The following GALNT17 variants were observed in gnomAD, a reference collection of about 807,000 sequenced individuals.
GALNT17 encodes the protein UDP-GalNAc:polypeptide N-acetylgalactosaminyltransferase-like 3.
A neutral mutation model predicts 63.7 loss-of-function variants in GALNT17; 29 were observed. The ratio of observed to expected loss-of-function variants is 0.46; its 90% CI spans 0.34 to 0.62. The LOEUF is 0.62. Among genes scored for constraint, GALNT17 ranks in the 20% least tolerant of loss-of-function variants. The probability of loss-of-function intolerance (pLI) is 0.01; values close to 1 mark genes in which losing one functional copy is unlikely to be tolerated. For synonymous variants in GALNT17, 305 were observed against 318.3 expected (o/e 0.96, Z 0.45); for missense variants, 603 against 799.6 (o/e 0.75, Z 2.97).
chr7:71,424,054 A>C (rs1786714276), intron 5 of GALNT17, among the ~76,000 whole-genome samples: 1 of 152,230 alleles, frequency 6.6e-6, no homozygotes, highest in South Asian at 2.1e-4. Context: ...TTGGGTCTAC[A>C]ACTTCCTCAA....
At chr7:71,305,634 G>A (rs929546105) in intron 1 of GALNT17, among the ~76,000 whole-genome samples, 4 of 152,082 alleles carry the variant, frequency 2.6e-5, no homozygotes, top group Admixed American at 2.0e-4. Context: ...GTGAGGGGAC[G>A]GGGGAGGGCC....
chr7:71,542,555 G>A (rs1788911070), intron 5 of GALNT17, among the ~76,000 whole-genome samples: 1 of 151,938 alleles, frequency 6.6e-6, no homozygotes, highest in Non-Finnish European at 1.5e-5. Flanking sequence ...AATTAGCCAG[G>A]TGTGGTGGCA....
intron 1 of GALNT17, among the ~76,000 whole-genome samples, chr7:71,154,950 G>T (rs1788207047): frequency 6.6e-6 from 1 of 151,828 alleles, no homozygotes; most frequent in African/African-American, 2.4e-5. Flanking sequence ...ATAAAAGTGG[G>T]TAATGAATTT....
chr7:71,479,039 A>G (rs1787770761), intron 5 of GALNT17, among the ~76,000 whole-genome samples: 1 of 152,206 alleles, frequency 6.6e-6, no homozygotes, highest in African/African-American at 2.4e-5. Context: ...GGCACTTCGC[A>G]GTTTTGTGAA....
At chr7:71,632,585 T>C (rs751120210) in intron 6 of GALNT17, among the ~76,000 whole-genome samples, 29 of 151,988 alleles carry the variant, frequency 1.9e-4, no homozygotes, top group Non-Finnish European at 3.7e-4. Flanking sequence ...TCTGTGTGTG[T>C]TGGGGACAAG....
intron 5 of GALNT17, among the ~76,000 whole-genome samples, chr7:71,528,871 A>G (rs1788669235): frequency 6.6e-6 from 1 of 152,222 alleles, no homozygotes; most frequent in Non-Finnish European, 1.5e-5. Context: ...GTGGTGGCTC[A>G]TACCTGTAAT....
intron 3 of GALNT17, among the ~76,000 whole-genome samples, chr7:71,402,560 C>T (rs146171056): frequency 1.3e-5 from 2 of 152,240 alleles, no homozygotes; most frequent in African/African-American, 4.8e-5. Flanking sequence ...CTCCCATCAC[C>T]ATCATTTGAG....
chr7:71,537,740 G>T (rs1788823734), intron 5 of GALNT17, among the ~76,000 whole-genome samples: 1 of 152,158 alleles, frequency 6.6e-6, no homozygotes, highest in Non-Finnish European at 1.5e-5. Context: ...TTGAACCCAG[G>T]AGGCAGAGGC....
intron 1 of GALNT17, among the ~76,000 whole-genome samples, chr7:71,198,108 G>T (rs541039699): frequency 6.7e-6 from 1 of 149,852 alleles, no homozygotes; most frequent in Middle Eastern, 3.5e-3. Context: ...TGAGGCAGGA[G>T]AATCGCTTGA....
At chr7:71,437,369 C>T (rs1026575107) in intron 5 of GALNT17, among the ~76,000 whole-genome samples, 1 of 152,178 alleles carries the variant, frequency 6.6e-6, no homozygotes, top group Non-Finnish European at 1.5e-5. Context: ...ACTGAATCCC[C>T]ATATTTCTTT....
intron 5 of GALNT17, among the ~76,000 whole-genome samples, chr7:71,537,653 A>G (rs1203589441): frequency 6.6e-6 from 1 of 152,048 alleles, no homozygotes; most frequent in Non-Finnish European, 1.5e-5. Flanking sequence ...CTGTGCTAAA[A>G]ATACAAAAAT....
chr7:71,542,909 ATGTGT>A (rs1788917452), intron 5 of GALNT17, among the ~76,000 whole-genome samples: 1 of 151,950 alleles, frequency 6.6e-6, no homozygotes, highest in South Asian at 2.1e-4. Flanking sequence ...CACCTGGCAG[ATGTGT>A]TGGGGGTCCC....
At chr7:71,256,730 T>A (rs910180149) in intron 1 of GALNT17, among the ~76,000 whole-genome samples, 30 of 152,330 alleles carry the variant, frequency 2.0e-4, no homozygotes, top group Admixed American at 1.8e-3. Flanking sequence ...TTTACAGATT[T>A]TGACTTTTTT....
rs185596076 is a variant in GALNT17, at chr7:71,377,028, G to A, written c.423-11207G>A. On this transcript the variant is annotated intron_variant, in intron 2 of 10. Coordinates refer to ENST00000333538, the MANE Select transcript of GALNT17 (RefSeq NM_022479.3). ...TTGAGGCCAGAAGGTGGAGGTGGCAGTGAGCCAAGATTGTGCCACTGCACT... is the reference window on the plus strand; with the variant it reads ...TTGAGGCCAGAAGGTGGAGGTGGCAATGAGCCAAGATTGTGCCACTGCACT... Among the ~76,000 whole-genome samples the A allele has an allele frequency of 9.5e-3, 1,369 of 144,452 alleles. 15 individuals are homozygous for A. The highest frequency in any genetic ancestry group is 0.015 in the Non-Finnish European group (997 of 66,948). The allele number at this position is 144,452 out of a possible 152,430, so 94.8% of individuals were successfully genotyped here.
intron 1 of GALNT17, among the ~76,000 whole-genome samples, chr7:71,268,027 G>A (rs1790522263): frequency 6.6e-6 from 1 of 152,144 alleles, no homozygotes. Context: ...CAATAGGGGC[G>A]TGTTTGCCAT....
At chr7:71,681,632 A>G (rs532544890) in intron 9 of GALNT17, among the ~76,000 whole-genome samples, 7 of 152,216 alleles carry the variant, frequency 4.6e-5, no homozygotes, top group Admixed American at 1.3e-4. Flanking sequence ...CTTTTAGGCA[A>G]TTACTCCAAG....
At position 71,543,189 on chromosome 7, in the gene GALNT17, G is replaced by A. The variant is rs115786731; in HGVS notation, c.963-28096G>A. Among the ~76,000 whole-genome samples the A allele has an allele frequency of 6.5e-3, 982 of 152,224 alleles. 14 individuals carry two copies. Among genetic ancestry groups the A allele is most frequent in the African/African-American group, 0.023 (949 of 41,536 alleles). The stretch of plus-strand genomic sequence containing the variant: ...GTGCCCTGCCTGTGAAATTGACCCT[G>A]ACATAGTTCCCATCCAAGTTATTTT... On this transcript the variant is annotated intron_variant, in intron 5 of 10. Coordinates refer to ENST00000333538, the MANE Select transcript of GALNT17 (RefSeq NM_022479.3).
intron 1 of GALNT17, among the ~76,000 whole-genome samples, chr7:71,225,497 C>T (rs192110723): frequency 5.9e-5 from 9 of 152,318 alleles, no homozygotes; most frequent in Admixed American, 5.9e-4. Context: ...CTCACTGCCT[C>T]AGGCCTTCTG....
chr7:71,196,356 T>G (rs1028961692), intron 1 of GALNT17, among the ~76,000 whole-genome samples: 3 of 152,080 alleles, frequency 2.0e-5, no homozygotes, highest in Admixed American at 6.6e-5. Flanking sequence ...ACCATGGTGG[T>G]CTTGAACTCC....
Sources: allele counts gnomAD v4.1 joint callset (sites outside exome capture counted in the v4.1 genomes callset), GRCh38; gene constraint gnomAD v4.1.1; transcripts MANE v1.5; gene names NCBI Gene and HGNC (gene_info 2026-07-23, HGNC 2026-07-21).